The following COBL variants were observed in gnomAD, a reference collection of about 807,000 sequenced individuals.
The protein encoded by COBL is cordon-bleu WH2 repeat protein, also known as protein cordon-bleu.
A neutral mutation model predicts 98.8 loss-of-function variants in COBL; 51 were observed. The observed-to-expected ratio is 0.52, with a 90% CI of 0.41 to 0.65. The LOEUF is 0.65. Among genes scored for constraint, COBL ranks in the 30% least tolerant of loss-of-function variants. COBL has a pLI of 0.00. For missense variants in COBL, 1,617 were observed against 1,617.5 expected (o/e 1.00, Z 0.01); for synonymous variants, 634 against 651.7 (o/e 0.97, Z 0.41).
chr7:51,020,048 C>T (rs985955428), intron 12 of COBL, among the ~76,000 whole-genome samples: 1 of 152,142 alleles, frequency 6.6e-6, no homozygotes, highest in Non-Finnish European at 1.5e-5. Context: ...TAATTCCTGC[C>T]GTGGGAAAAC....
chr7:51,188,516 T>C (rs181616466), intron 4 of COBL, among the ~76,000 whole-genome samples: 72 of 152,304 alleles, frequency 4.7e-4, no homozygotes, highest in African/African-American at 1.7e-3. Flanking sequence ...GGCACAGGCA[T>C]GGTCCAGACG....
intron 1 of COBL, among the ~76,000 whole-genome samples, chr7:51,256,632 G>A (rs1043468675): frequency 2.0e-5 from 3 of 152,220 alleles, no homozygotes; most frequent in Non-Finnish European, 4.4e-5. Flanking sequence ...GAGCACTCCT[G>A]CAAGCGTCAC....
At position 51,026,584 on chromosome 7, in the gene COBL, C is replaced by T; in HGVS notation, c.3466G>A (p.Ala1156Thr). ...CAGGTGCCGCTGTGCCCGCGGATAG[C>T]TGCCAGCAGTGCAGATCGTTCGCCC... ...AEGERSALLA[A>T]IRGHSGTCSL... The change falls in exon 11 of 13, where the codon GCT (alanine) becomes ACT (threonine). Residue 1156 changes from alanine to threonine, a missense_variant. Physicochemically the swap from Ala to Thr is moderately conservative, Grantham distance 58 (BLOSUM62 0). Transcript: ENST00000265136. The T allele has an allele frequency of 6.2e-7, 1 of 1,614,200 alleles. No homozygotes were observed. The highest frequency in any genetic ancestry group is 1.7e-5 in the Admixed American group (1 of 60,034).
Position 51,017,430 on chromosome 7 carries a change from A to AT in COBL, c.*120dup, listed in dbSNP as rs3214180. 0.85 allele frequency: 826,634 copies of AT among 970,588 alleles called. 353,471 individuals carry two copies. The highest frequency in any genetic ancestry group is 0.93 in the African/African-American group (58,315 of 62,802). 60.1% of individuals were successfully genotyped at this position (970,588 alleles called of 1,614,324 possible). A position where few individuals can be genotyped will look rare whatever the true frequency, so the allele number is the denominator to read the frequency against. On this transcript the variant is annotated 3_prime_UTR_variant, in exon 13 of 13. Transcript: ENST00000265136. ...AACACACCGAAAATCAACTGTGCGCATTTGGCCTGTAGACAAGAAAGTAAC... is the reference window on the plus strand; with the variant it reads ...AACACACCGAAAATCAACTGTGCGCATTTTGGCCTGTAGACAAGAAAGTAAC...
chr7:51,108,379 T>G (rs1188615168), intron 6 of COBL, among the ~76,000 whole-genome samples: 1 of 152,170 alleles, frequency 6.6e-6, no homozygotes, highest in African/African-American at 2.4e-5. Context: ...TGCTGGACTG[T>G]GGAAAGGGAT....
chr7:51,037,780 A>G (rs1446496412), intron 8 of COBL, among the ~76,000 whole-genome samples: 2 of 152,254 alleles, frequency 1.3e-5, no homozygotes, highest in Admixed American at 1.3e-4. Flanking sequence ...GAAAAATTAT[A>G]ATCGGATACC....
intron 8 of COBL, among the ~76,000 whole-genome samples, chr7:51,041,236 G>A (rs1330590035): frequency 6.6e-6 from 1 of 152,136 alleles, no homozygotes; most frequent in East Asian, 1.9e-4. Flanking sequence ...GAATTGAAGA[G>A]CTATACTTTA....
Position 51,219,864 on chromosome 7 carries a change from T to C in COBL, c.122A>G (p.His41Arg). ...LHVHSDQKPPHDGALGSQQNL... is the reference protein window; with the variant it reads ...LHVHSDQKPPRDGALGSQQNL... ...CTGCTGCGACCCGAGGGCCCCATCGTGGGGGGGCTTCTGGTCACTGTGCAC... is the reference window on the plus strand; with the variant it reads ...CTGCTGCGACCCGAGGGCCCCATCGCGGGGGGGCTTCTGGTCACTGTGCAC... The change falls in exon 2 of 13, where the codon CAC (histidine) becomes CGC (arginine). Residue 41 changes from histidine (H) to arginine (R), a missense_variant. Around this residue, in one of 3 missense-constraint regions of COBL, gnomAD observed 238 missense variants for 215.0 expected, o/e 1.11. Transcript: ENST00000265136. The C allele has an allele frequency of 1.2e-6, 2 of 1,613,410 alleles. No homozygotes were observed. The highest frequency in any genetic ancestry group is 1.7e-6 in the Non-Finnish European group (2 of 1,179,996).
chr7:51,154,085 C>T (rs1785845811), intron 5 of COBL, among the ~76,000 whole-genome samples: 1 of 152,136 alleles, frequency 6.6e-6, no homozygotes, highest in South Asian at 2.1e-4. Flanking sequence ...TTCCAAGTAC[C>T]CTGAGAGTCA....
At chr7:51,023,818 A>T (rs563362166) in intron 12 of COBL, among the ~76,000 whole-genome samples, 1 of 152,276 alleles carries the variant, frequency 6.6e-6, no homozygotes, top group African/African-American at 2.4e-5. Context: ...TACGGAGCAC[A>T]CAGCTTGTGA....
intron 7 of COBL, among the ~76,000 whole-genome samples, chr7:51,068,113 G>A (rs1583671267): frequency 6.6e-6 from 1 of 152,170 alleles, no homozygotes; most frequent in Non-Finnish European, 1.5e-5. Context: ...CAGAGGCGGT[G>A]GGCTGACCTC....
intron 7 of COBL, chr7:51,071,481 T>C (rs904020897): frequency 7.9e-5 from 12 of 152,186 alleles, no homozygotes; most frequent in African/African-American, 2.9e-4. Flanking sequence ...GCTAACTTTA[T>C]GATCAAGTAA....
chr7:51,144,802 A>ATTT (rs1235021993), intron 5 of COBL, among the ~76,000 whole-genome samples: 1 of 152,188 alleles, frequency 6.6e-6, no homozygotes, highest in Admixed American at 6.5e-5. Context: ...CAAACAATAT[A>ATTT]TGATCTTTGT....
chr7:51,112,382 T>C (rs1319448502), intron 6 of COBL, among the ~76,000 whole-genome samples: 5 of 152,100 alleles, frequency 3.3e-5, no homozygotes, highest in African/African-American at 1.2e-4. Flanking sequence ...TTTAAAAATA[T>C]ATAGTTTATG....
intron 6 of COBL, among the ~76,000 whole-genome samples, chr7:51,098,672 G>C (rs568183329): frequency 6.6e-6 from 1 of 152,046 alleles, no homozygotes; most frequent in African/African-American, 2.4e-5. Context: ...AAAACATAGA[G>C]GGAAATCTTT....
chr7:51,184,442 G>A (rs1053445253), intron 4 of COBL, among the ~76,000 whole-genome samples: 30 of 152,224 alleles, frequency 2.0e-4, no homozygotes, highest in African/African-American at 7.0e-4. Flanking sequence ...TTCTCTGGGT[G>A]TGGTTGTGCC....
chr7:51,271,260 G>T (rs1563111333), intron 1 of COBL, among the ~76,000 whole-genome samples: 3 of 152,216 alleles, frequency 2.0e-5, no homozygotes, highest in Admixed American at 6.5e-5. Context: ...AAGCAGGAAA[G>T]CTTGCAGGGC....
At chr7:51,306,037 T>C (rs777889229) in intron 1 of COBL, among the ~76,000 whole-genome samples, 24 of 151,826 alleles carry the variant, frequency 1.6e-4, no homozygotes, top group Admixed American at 9.8e-4. Flanking sequence ...AGACTCTGTC[T>C]TGGGGCGGGG....
intron 7 of COBL, among the ~76,000 whole-genome samples, chr7:51,073,870 C>T (rs1322172516): frequency 2.6e-5 from 4 of 152,168 alleles, no homozygotes; most frequent in Non-Finnish European, 5.9e-5. Context: ...GCAGGCCCCA[C>T]ATATAAACTT....
Sources: allele counts gnomAD v4.1 joint callset (sites outside exome capture counted in the v4.1 genomes callset), GRCh38; gene constraint gnomAD v4.1.1; regional missense constraint gnomAD v4.1.1; transcripts MANE v1.5; gene names NCBI Gene and HGNC (gene_info 2026-07-23, HGNC 2026-07-21).